The following MINDY4 variants were observed in gnomAD, a reference collection of about 807,000 sequenced individuals.
MINDY4 encodes MINDY lysine 48 deubiquitinase 4, also known as probable ubiquitin carboxyl-terminal hydrolase MINDY-4.
In MINDY4, 68 loss-of-function variants were observed where a neutral mutation model predicts 87.0. The observed-to-expected ratio is 0.78, with a 90% CI of 0.64 to 0.96. The LOEUF (loss-of-function observed/expected upper bound fraction) is 0.96, where lower values mean the gene tolerates loss of function less well. MINDY4 is among the 40% of genes least tolerant of loss of function. The probability of loss-of-function intolerance (pLI) is 0.00; values close to 1 mark genes in which losing one functional copy is unlikely to be tolerated. For missense variants in MINDY4, 919 were observed against 928.2 expected (o/e 0.99, Z 0.13); for synonymous variants, 379 against 363.2 (o/e 1.04, Z -0.50).
rs1790088821 is a variant in MINDY4 at position 30,871,007 on chromosome 7, A to AC, written c.1746-1231dup. On this transcript the variant is annotated intron_variant, in intron 13 of 17. Transcript: ENST00000265299. ...TGTGTGCCCCCCAGGGTCCAGTGTG[A>AC]CCCCCAGGGCCGTGTGTGCCCCCAG... Among the ~76,000 whole-genome samples the AC allele has an allele frequency of 5.0e-5, 7 of 139,276 alleles. No individual in the cohort carries two copies. In the South Asian group the frequency reaches 1.6e-3, roughly 33 times the overall value. The allele number at this position is 139,276 out of a possible 152,430, so 91.4% of individuals were successfully genotyped here.
chr7:30,829,849 C>G (rs914213702), intron 6 of MINDY4, among the ~76,000 whole-genome samples: 1 of 152,208 alleles, frequency 6.6e-6, no homozygotes, highest in African/African-American at 2.4e-5. Flanking sequence ...GGTTCCTGGT[C>G]TTCAGAACCC....
At chr7:30,854,945 C>T (rs958755595) in intron 12 of MINDY4, among the ~76,000 whole-genome samples, 53 of 152,358 alleles carry the variant, frequency 3.5e-4, no homozygotes, top group African/African-American at 1.2e-3. Flanking sequence ...TCCCTTTCTA[C>T]GTGGGTTGCT....
chr7:30,833,457 C>T (rs530234495), intron 6 of MINDY4, among the ~76,000 whole-genome samples: 22 of 152,342 alleles, frequency 1.4e-4, no homozygotes, highest in South Asian at 6.2e-4. Context: ...CTCCATGATT[C>T]GGTTATCTCC....
intron 6 of MINDY4, among the ~76,000 whole-genome samples, chr7:30,830,337 A>T (rs367639823): frequency 1.4e-4 from 21 of 152,338 alleles, no homozygotes; most frequent in African/African-American, 4.6e-4. Context: ...GATGCCCAGC[A>T]GTGCTTAAGT....
chr7:30,826,411 G>A (rs1788505742), intron 5 of MINDY4, among the ~76,000 whole-genome samples: 1 of 152,214 alleles, frequency 6.6e-6, no homozygotes, highest in Non-Finnish European at 1.5e-5. Context: ...GAGCTGAGAA[G>A]AAGCTGATGT....
intron 5 of MINDY4, among the ~76,000 whole-genome samples, chr7:30,823,599 T>G (rs1480921996): frequency 6.6e-6 from 1 of 152,214 alleles, no homozygotes; most frequent in Non-Finnish European, 1.5e-5. Flanking sequence ...CTGCCCATTC[T>G]TTTTTCATAA....
intron 13 of MINDY4, among the ~76,000 whole-genome samples, chr7:30,860,974 T>C (rs935984334): frequency 3.3e-5 from 5 of 152,056 alleles, no homozygotes; most frequent in South Asian, 2.1e-4. Flanking sequence ...CACACAGATA[T>C]ACAGATGCAC....
intron 12 of MINDY4, among the ~76,000 whole-genome samples, chr7:30,855,722 G>A (rs934603163): frequency 6.6e-6 from 1 of 152,366 alleles, no homozygotes; most frequent in East Asian, 1.9e-4. Context: ...ACTGTGGAAG[G>A]GGTTCAGAGA....
At chr7:30,807,504 T>TA (rs565290292) in intron 5 of MINDY4, among the ~76,000 whole-genome samples, 2 of 148,330 alleles carry the variant, frequency 1.3e-5, no homozygotes, top group East Asian at 2.0e-4. Context: ...ATTTTAGATT[T>TA]AAAAAAAAAA....
intron 13 of MINDY4, among the ~76,000 whole-genome samples, chr7:30,867,025 C>T (rs1789958071): frequency 6.6e-6 from 1 of 152,206 alleles, no homozygotes; most frequent in Non-Finnish European, 1.5e-5. Context: ...GTTTGCAAGA[C>T]CTGATATGGT....
chr7:30,854,438 GA>G (rs1181870299), intron 12 of MINDY4, among the ~76,000 whole-genome samples: 1 of 152,140 alleles, frequency 6.6e-6, no homozygotes. Context: ...AAATGAGAGG[GA>G]AGCATTACAG....
intron 6 of MINDY4, among the ~76,000 whole-genome samples, chr7:30,835,771 C>T (rs1788838496): frequency 6.6e-6 from 1 of 152,260 alleles, no homozygotes; most frequent in Non-Finnish European, 1.5e-5. Context: ...TCACTCTGCT[C>T]AGCCTTGCCG....
chr7:30,828,539 T>G (rs1584284685), intron 5 of MINDY4, 140 bp from the exon 6 acceptor site: 1 of 759,408 alleles, frequency 1.3e-6, no homozygotes, highest in Non-Finnish European at 2.2e-6. Flanking sequence ...AGAGGGGGAG[T>G]ATTCAAGGCA....
intron 17 of MINDY4, 90 bp downstream of exon 17, chr7:30,883,083 A>T (rs1790521672): frequency 2.3e-6 from 3 of 1,281,262 alleles, no homozygotes; most frequent in Non-Finnish European, 3.4e-6. Flanking sequence ...AGGAAGGCAG[A>T]TAGGTTCCTG....
At chr7:30,786,699 G>A (rs953716857) in intron 4 of MINDY4, 4 of 151,064 alleles carry the variant, frequency 2.6e-5, no homozygotes, top group African/African-American at 7.3e-5. Context: ...GTCAAAAGGG[G>A]CTAAACCCCC....
At chr7:30,872,127 C>G (rs756426759) in intron 13 of MINDY4, 116 bp from the exon 14 acceptor site, 1 of 974,764 alleles carries the variant, frequency 1.0e-6, no homozygotes, top group Admixed American at 2.0e-5. Flanking sequence ...AGGTTCCCAC[C>G]AAATCTGGAA....
chr7:30,866,189 G>T (rs537448963), intron 13 of MINDY4, among the ~76,000 whole-genome samples: 1 of 152,352 alleles, frequency 6.6e-6, no homozygotes, highest in Admixed American at 6.5e-5. Flanking sequence ...GAGCTGGGAG[G>T]TCTCAAGACC....
intron 7 of MINDY4, among the ~76,000 whole-genome samples, chr7:30,837,943 A>G (rs1190039510): frequency 1.3e-5 from 2 of 152,224 alleles, no homozygotes; most frequent in Admixed American, 1.3e-4. Context: ...TGCTTCTGTC[A>G]AAGAGATTTT....
At chr7:30,793,168 A>ATAAT (rs747707351) in intron 5 of MINDY4, among the ~76,000 whole-genome samples, 1 of 128,908 alleles carries the variant, frequency 7.8e-6, no homozygotes, top group Non-Finnish European at 1.6e-5. Context: ...AATTGTTTAT[A>ATAAT]TATGTATTAT....
Sources: gnomAD v4.1 joint callset for allele counts (sites outside exome capture counted in the v4.1 genomes callset) on GRCh38, gnomAD v4.1.1 for gene constraint, MANE v1.5 for transcripts, NCBI Gene and HGNC (gene_info 2026-07-23, HGNC 2026-07-21) for gene names.